Variants in TSHR observed in about 807,000 individuals in gnomAD.
TSHR encodes thyroid stimulating hormone receptor.
TSHR carries 51 observed loss-of-function variants against 64.1 expected under a neutral mutation model. That is an observed-to-expected ratio of 0.80 (90% CI 0.64 to 1.01). TSHR has a LOEUF of 1.01. Ranked by LOEUF, TSHR falls within the 50% of genes least tolerant of loss-of-function variation. The probability of loss-of-function intolerance (pLI) is 0.00; values close to 1 mark genes in which losing one functional copy is unlikely to be tolerated. For synonymous variants in TSHR, 361 were observed against 361.9 expected (o/e 1.00, Z 0.03); for missense variants, 877 against 942.8 (o/e 0.93, Z 0.91).
intron 3 of TSHR, among the ~76,000 whole-genome samples, chr14:81,071,653 T>C (rs1887078226): frequency 6.6e-6 from 1 of 151,948 alleles, no homozygotes; most frequent in Non-Finnish European, 1.5e-5. Flanking sequence ...CCCAGCTACA[T>C]GGGAGGCTGA....
chr14:80,995,939 T>C (rs1023586), intron 1 of TSHR, among the ~76,000 whole-genome samples: 59,368 of 151,898 alleles, frequency 0.39, 12,079 homozygotes, highest in East Asian at 0.62. Context: ...TCAAAAGTTA[T>C]GTGCAAATTT....
At chr14:81,027,412 C>T (rs533332231) in intron 1 of TSHR, among the ~76,000 whole-genome samples, 1 of 151,824 alleles carries the variant, frequency 6.6e-6, no homozygotes, top group South Asian at 2.1e-4. Flanking sequence ...CATGCATAAT[C>T]TAGTAAAGTT....
At chr14:80,957,387 C>T (rs2139675323) in intron 1 of TSHR, among the ~76,000 whole-genome samples, 1 of 151,760 alleles carries the variant, frequency 6.6e-6, no homozygotes, top group South Asian at 2.1e-4. Context: ...AAGCAGGACA[C>T]AAGCTTCTCT....
intron 1 of TSHR, among the ~76,000 whole-genome samples, chr14:81,026,508 A>G (rs112620885): frequency 3.9e-5 from 6 of 152,344 alleles, no homozygotes; most frequent in African/African-American, 1.4e-4. Context: ...AAAATCATAA[A>G]AAGGGCAACC....
At chr14:81,016,975 C>A (rs1883445597) in intron 1 of TSHR, among the ~76,000 whole-genome samples, 1 of 152,038 alleles carries the variant, frequency 6.6e-6, no homozygotes, top group African/African-American at 2.4e-5. Flanking sequence ...GTGAATGTCA[C>A]CTCAACAAAT....
intron 1 of TSHR, among the ~76,000 whole-genome samples, chr14:81,059,615 T>C (rs1886081809): frequency 1.3e-5 from 2 of 152,146 alleles, no homozygotes; most frequent in Admixed American, 6.6e-5. Context: ...GGAGACATTA[T>C]TTTTATCTCA....
intron 3 of TSHR, among the ~76,000 whole-genome samples, chr14:81,074,852 A>G (rs557882107): frequency 4.9e-4 from 74 of 152,330 alleles, no homozygotes; most frequent in South Asian, 1.0e-3. Context: ...ATGAGCAGTT[A>G]GTTTACCATT....
chr14:81,077,511 C>A (rs577474073), intron 3 of TSHR, among the ~76,000 whole-genome samples: 2 of 152,276 alleles, frequency 1.3e-5, no homozygotes, highest in South Asian at 4.1e-4. Context: ...TTAATCCTCA[C>A]GACAATTCTC....
intron 3 of TSHR, among the ~76,000 whole-genome samples, chr14:81,086,260 G>A (rs1305604704): frequency 6.6e-6 from 1 of 152,120 alleles, no homozygotes; most frequent in Non-Finnish European, 1.5e-5. Context: ...TGAGGACAAT[G>A]GACCAGTAAG....
intron 1 of TSHR, among the ~76,000 whole-genome samples, chr14:80,969,241 G>A (rs1429197614): frequency 6.6e-6 from 1 of 152,146 alleles, no homozygotes; most frequent in Non-Finnish European, 1.5e-5. Context: ...CTTCATGACA[G>A]GGCACATAGT....
At chr14:80,974,516 T>G (rs534808582) in intron 1 of TSHR, among the ~76,000 whole-genome samples, 1 of 152,292 alleles carries the variant, frequency 6.6e-6, no homozygotes, top group Non-Finnish European at 1.5e-5. Context: ...GTTGGCCTTA[T>G]GTAGCATAAC....
intron 4 of TSHR, among the ~76,000 whole-genome samples, chr14:81,088,666 C>T (rs896989907): frequency 1.3e-5 from 2 of 152,048 alleles, no homozygotes; most frequent in African/African-American, 4.8e-5. Flanking sequence ...CCCTGGATAC[C>T]AGGTGGAAGA....
intron 1 of TSHR, among the ~76,000 whole-genome samples, chr14:81,038,589 G>A (rs759811396): frequency 7.3e-5 from 11 of 150,730 alleles, no homozygotes; most frequent in Non-Finnish European, 1.0e-4. Context: ...CAAACCTTTC[G>A]CTAGACAAAG....
chr14:81,030,151 T>A (rs767385728), intron 1 of TSHR, among the ~76,000 whole-genome samples: 15 of 152,152 alleles, frequency 9.9e-5, no homozygotes, highest in Non-Finnish European at 1.9e-4. Context: ...ATAAACAAGG[T>A]CACTAGTGTT....
At chr14:81,114,572 T>A (rs895454710) in intron 8 of TSHR, among the ~76,000 whole-genome samples, 5 of 151,640 alleles carry the variant, frequency 3.3e-5, no homozygotes, top group Admixed American at 2.6e-4. Flanking sequence ...CAGTCTGAGA[T>A]CAAACTGCAA....
At chr14:81,005,537 T>C (rs1889558788) in intron 1 of TSHR, among the ~76,000 whole-genome samples, 1 of 152,186 alleles carries the variant, frequency 6.6e-6, no homozygotes, top group African/African-American at 2.4e-5. Flanking sequence ...TTTTCTTTCA[T>C]ATACAGGAAA....
chr14:80,992,411 A>T (rs1485336817), intron 1 of TSHR: 2 of 151,640 alleles, frequency 1.3e-5, no homozygotes, highest in Admixed American at 6.6e-5. Context: ...AAAAAAAAAA[A>T]AAAAAATAAG....
At chr14:81,132,962 G>C (rs1319425870) in intron 8 of TSHR, among the ~76,000 whole-genome samples, 2 of 152,120 alleles carry the variant, frequency 1.3e-5, no homozygotes, top group East Asian at 3.9e-4. Flanking sequence ...GGGTGAGTGG[G>C]AAAAAATACA....
At chr14:81,081,315 T>C (rs1887887473) in intron 3 of TSHR, among the ~76,000 whole-genome samples, 1 of 152,200 alleles carries the variant, frequency 6.6e-6, no homozygotes, top group African/African-American at 2.4e-5. Context: ...ATAGTTTTTC[T>C]CTGTATTATC....
Sources: allele counts gnomAD v4.1 joint callset (sites outside exome capture counted in the v4.1 genomes callset), GRCh38; gene constraint gnomAD v4.1.1; transcripts MANE v1.5; gene names NCBI Gene and HGNC (gene_info 2026-07-23, HGNC 2026-07-21).